SDAD1: variants seen among roughly 807,000 people sequenced by gnomAD.
SDAD1 encodes SDA1 domain containing 1.
In SDAD1, 79 loss-of-function variants were observed where a neutral mutation model predicts 100.3. The ratio of observed to expected loss-of-function variants is 0.79; its 90% CI spans 0.66 to 0.95. SDAD1 has a LOEUF of 0.95. Among genes scored for constraint, SDAD1 ranks in the 40% least tolerant of loss-of-function variants. SDAD1 has a pLI of 0.00. For synonymous variants in SDAD1, 267 were observed against 271.4 expected, an observed-to-expected ratio of 0.98 and a Z score of 0.16; for missense variants, 790 against 810.9, an observed-to-expected ratio of 0.97 and a Z score of 0.31.
chr4:75,969,919 T>C (rs1045119905), intron 10 of SDAD1, among the ~76,000 whole-genome samples: 1 of 152,030 alleles, frequency 6.6e-6, no homozygotes, highest in Admixed American at 6.6e-5. Flanking sequence ...GTGAGACCAA[T>C]GTGTGGCCTA....
At chr4:75,975,655 G>A (rs1010560809) in intron 6 of SDAD1, 89 bp downstream of exon 6, 2 of 867,516 alleles carry the variant, frequency 2.3e-6, no homozygotes, top group African/African-American at 3.4e-5. Context: ...AAGAGCTCAA[G>A]CTCAAGAAAA....
At chr4:75,981,898 A>T in intron 2 of SDAD1, 35 bp downstream of exon 2, 2 of 1,368,518 alleles carry the variant, frequency 1.5e-6, no homozygotes, top group Non-Finnish European at 2.1e-6. Flanking sequence ...ACTGTGTGTT[A>T]ATACTGGTCT....
intron 21 of SDAD1, among the ~76,000 whole-genome samples, chr4:75,954,422 T>C (rs1475987748): frequency 6.6e-6 from 1 of 150,908 alleles, no homozygotes; most frequent in Non-Finnish European, 1.5e-5. Flanking sequence ...CCTATAATCC[T>C]AGCGCTATGG....
intron 12 of SDAD1, 105 bp downstream of exon 12, chr4:75,967,172 G>T: frequency 9.5e-7 from 1 of 1,054,544 alleles, no homozygotes; most frequent in Non-Finnish European, 1.5e-6. Flanking sequence ...CATCTCTAAT[G>T]TAGAGCACAC....
chr4:75,987,477 C>T (rs2149334369), intron 1 of SDAD1, among the ~76,000 whole-genome samples: 1 of 152,192 alleles, frequency 6.6e-6, no homozygotes, highest in East Asian at 1.9e-4. Flanking sequence ...TCAGGGTAGC[C>T]AATGACATCC....
chr4:75,986,472 T>C (rs1199327497), intron 1 of SDAD1, among the ~76,000 whole-genome samples: 1 of 152,184 alleles, frequency 6.6e-6, no homozygotes, highest in Non-Finnish European at 1.5e-5. Context: ...CTGAGGATAA[T>C]TTCCATTTAA....
chr4:75,970,759 C>T (rs1729825296), intron 9 of SDAD1, among the ~76,000 whole-genome samples: 1 of 152,164 alleles, frequency 6.6e-6, no homozygotes, highest in African/African-American at 2.4e-5. Flanking sequence ...ATGCTATTCT[C>T]GTGATAGTGA....
chr4:75,963,494 CATG>C (rs538418580), intron 14 of SDAD1, among the ~76,000 whole-genome samples: 5 of 152,160 alleles, frequency 3.3e-5, no homozygotes, highest in Admixed American at 3.3e-4. Flanking sequence ...TGGCCATTTT[CATG>C]ATATTGATTC....
chr4:75,960,118 T>C lies in SDAD1; in HGVS notation c.1431A>G (p.Pro477=), dbSNP rs771170283. The change falls in exon 17 of 22, where the codon CCA becomes CCG. Residue 477 remains proline, a synonymous_variant. Coordinates refer to ENST00000356260, the MANE Select transcript of SDAD1 (RefSeq NM_018115.4). ...TCTCAACTTCCAGAACTTCTGCTCC[T>C]GGAATGTAATCTTTAGCATCTAATT... ...YGELDAKDYI[P]GAEVLEVEKE... 1.2e-6 allele frequency: 2 copies of C among 1,612,060 alleles called. No individual in the cohort carries two copies. Among genetic ancestry groups the C allele is most frequent in the South Asian group, 2.2e-5 (2 of 90,880 alleles).
intron 16 of SDAD1, 74 bp downstream of exon 16, chr4:75,960,954 A>C: frequency 3.3e-6 from 4 of 1,221,602 alleles, no homozygotes; most frequent in Non-Finnish European, 4.8e-6. Context: ...AAGTACTAAA[A>C]TCCTAATTGT....
intron 17 of SDAD1, among the ~76,000 whole-genome samples, chr4:75,959,574 A>G (rs1729113536): frequency 6.6e-6 from 1 of 152,030 alleles, no homozygotes; most frequent in Non-Finnish European, 1.5e-5. Flanking sequence ...ACTGCACTCC[A>G]GCCTGGGCAA....
chr4:75,985,607 C>T (rs1157126686), intron 1 of SDAD1, among the ~76,000 whole-genome samples: 1 of 152,160 alleles, frequency 6.6e-6, no homozygotes, highest in African/African-American at 2.4e-5. Context: ...TATCTCAATT[C>T]CTGTTATAAT....
intron 21 of SDAD1, among the ~76,000 whole-genome samples, chr4:75,953,564 T>C (rs17222234): frequency 0.017 from 2,605 of 152,278 alleles, 36 homozygotes; most frequent in South Asian, 0.041. Context: ...AAAAATGCCG[T>C]CATTATTTAA....
intron 1 of SDAD1, among the ~76,000 whole-genome samples, chr4:75,987,483 C>A (rs910605459): frequency 6.6e-6 from 1 of 152,078 alleles, no homozygotes; most frequent in African/African-American, 2.4e-5. Flanking sequence ...TAGCCAATGA[C>A]ATCCATGTCG....
chr4:75,962,412 C>T (rs1167969309), intron 14 of SDAD1, among the ~76,000 whole-genome samples: 1 of 152,114 alleles, frequency 6.6e-6, no homozygotes, highest in Non-Finnish European at 1.5e-5. Context: ...GGGTATATAC[C>T]CAGTTATGGG....
intron 8 of SDAD1, among the ~76,000 whole-genome samples, chr4:75,972,354 C>T (rs1729915283): frequency 6.6e-6 from 1 of 150,704 alleles, no homozygotes; most frequent in African/African-American, 2.4e-5. Context: ...TCTTTAGGTC[C>T]GTGCCATCTT....
intron 3 of SDAD1, chr4:75,980,754 A>T (rs894150897): frequency 1.3e-5 from 2 of 153,224 alleles, no homozygotes; most frequent in African/African-American, 4.8e-5. Context: ...GCTGTGGGCT[A>T]CTAGGGTAGG....
chr4:75,953,767 T>C (rs1728738910), intron 21 of SDAD1, among the ~76,000 whole-genome samples: 1 of 152,188 alleles, frequency 6.6e-6, no homozygotes, highest in Non-Finnish European at 1.5e-5. Context: ...ATGAGACTGT[T>C]TAACCCAGAG....
intron 20 of SDAD1, among the ~76,000 whole-genome samples, chr4:75,956,708 C>G (rs1728916903): frequency 6.6e-6 from 1 of 152,216 alleles, no homozygotes; most frequent in African/African-American, 2.4e-5. Flanking sequence ...TTTCTCTTAG[C>G]TTTGATAAAT....
Sources: gnomAD v4.1 joint callset for allele counts (sites outside exome capture counted in the v4.1 genomes callset) on GRCh38, gnomAD v4.1.1 for gene constraint, MANE v1.5 for transcripts, NCBI Gene and HGNC (gene_info 2026-07-23, HGNC 2026-07-21) for gene names.